Variants in NCAM2 observed in about 807,000 individuals in gnomAD.
The protein encoded by NCAM2 is neural cell adhesion molecule 2, also known as N-CAM-2.
Under a neutral mutation model 98.1 loss-of-function variants are expected in NCAM2, and 30 were observed. The observed-to-expected ratio is 0.31, with a 90% CI of 0.23 to 0.41. The LOEUF is 0.41. Among genes scored for constraint, NCAM2 ranks in the 10% least tolerant of loss-of-function variants. NCAM2 has a pLI of 1.00. For missense variants in NCAM2, 867 were observed against 1,005.8 expected, an observed-to-expected ratio of 0.86 and a Z score of 1.87; for synonymous variants, 368 against 342.4, an observed-to-expected ratio of 1.07 and a Z score of -0.83.
intron 16 of NCAM2, among the ~76,000 whole-genome samples, chr21:21,521,809 G>T (rs546492072): frequency 3.3e-5 from 5 of 151,762 alleles, no homozygotes; most frequent in Admixed American, 3.3e-4. Flanking sequence ...TGTGCATATT[G>T]GTCATATTAA....
chr21:21,496,595 A>G (rs531620150), intron 15 of NCAM2, among the ~76,000 whole-genome samples: 1 of 152,068 alleles, frequency 6.6e-6, no homozygotes, highest in South Asian at 2.1e-4. Context: ...TTATTTTGCT[A>G]TACAGAAGCT....
At chr21:21,357,819 G>T (rs191837193) in intron 8 of NCAM2, among the ~76,000 whole-genome samples, 1 of 151,904 alleles carries the variant, frequency 6.6e-6, no homozygotes, top group Non-Finnish European at 1.5e-5. Context: ...AACAAAAAGC[G>T]AAGAACAAAT....
intron 1 of NCAM2, among the ~76,000 whole-genome samples, chr21:21,174,147 T>C (rs2068209435): frequency 6.6e-6 from 1 of 152,126 alleles, no homozygotes; most frequent in South Asian, 2.1e-4. Context: ...CTCGAACTAC[T>C]AACCTCAGAT....
At position 21,486,189 on chromosome 21, in the gene NCAM2, A is replaced by G. The variant is rs941729942; in HGVS notation, c.2077+8718A>G. On this transcript the variant is annotated intron_variant, in intron 15 of 17. Transcript: ENST00000400546. ...CGTGGTGGCGGGCGCCTGTAGTCCC[A>G]GCTACTCGGGAGGCTGAGGCAGGAG... Among the ~76,000 whole-genome samples the G allele has an allele frequency of 4.0e-5, 6 of 151,352 alleles. No individual in the cohort carries two copies. In the South Asian group the frequency reaches 6.3e-4, roughly 16 times the overall value.
chr21:21,317,200 C>T (rs1288016483), intron 5 of NCAM2, among the ~76,000 whole-genome samples: 2 of 152,174 alleles, frequency 1.3e-5, no homozygotes, highest in Admixed American at 6.5e-5. Flanking sequence ...TTTCCTTCCC[C>T]TTCTCCCACT....
At chr21:21,188,300 C>T (rs578248523) in intron 1 of NCAM2, among the ~76,000 whole-genome samples, 1 of 152,028 alleles carries the variant, frequency 6.6e-6, no homozygotes, top group East Asian at 1.9e-4. Context: ...TAAATACTTA[C>T]AAATTTTTGC....
intron 6 of NCAM2, among the ~76,000 whole-genome samples, chr21:21,331,568 C>G (rs232372): frequency 0.017 from 2 of 118 alleles, no homozygotes; most frequent in Non-Finnish European, 0.026. Flanking sequence ...ACTCTATATA[C>G]ATATATATAT....
intron 16 of NCAM2, among the ~76,000 whole-genome samples, chr21:21,521,882 C>T (rs1265057769): frequency 6.6e-6 from 1 of 151,320 alleles, no homozygotes; most frequent in Non-Finnish European, 1.5e-5. Flanking sequence ...AGAATTTCAC[C>T]AAATTAATGT....
intron 15 of NCAM2, among the ~76,000 whole-genome samples, chr21:21,507,221 A>T (rs939405844): frequency 6.6e-6 from 1 of 152,164 alleles, no homozygotes; most frequent in Non-Finnish European, 1.5e-5. Context: ...TTTGTATGTT[A>T]GCAGTTGTTC....
chr21:21,477,638 C>T (rs1003519589), intron 15 of NCAM2, among the ~76,000 whole-genome samples, 167 bp downstream of exon 15: 2 of 152,114 alleles, frequency 1.3e-5, no homozygotes, highest in Admixed American at 6.5e-5. Flanking sequence ...TCGCTCTTGC[C>T]ATAGGGTATT....
intron 1 of NCAM2, among the ~76,000 whole-genome samples, chr21:21,081,332 T>C (rs1049770546): frequency 6.6e-6 from 1 of 151,838 alleles, no homozygotes; most frequent in African/African-American, 2.4e-5. Context: ...ATTGGGAGAG[T>C]GCCTTTCCCT....
chr21:21,337,503 A>G (rs997705474), intron 7 of NCAM2, among the ~76,000 whole-genome samples: 4 of 152,090 alleles, frequency 2.6e-5, no homozygotes, highest in African/African-American at 9.6e-5. Flanking sequence ...GCTTAAGAAC[A>G]ACTTATTTGT....
intron 1 of NCAM2, among the ~76,000 whole-genome samples, chr21:21,199,435 A>G (rs1468884430): frequency 6.6e-6 from 1 of 152,178 alleles, no homozygotes; most frequent in African/African-American, 2.4e-5. Context: ...GAAAAACCTC[A>G]TGACTGAGCT....
At chr21:21,340,136 A>G (rs2074984508) in intron 8 of NCAM2, among the ~76,000 whole-genome samples, 1 of 151,834 alleles carries the variant, frequency 6.6e-6, no homozygotes, top group Admixed American at 6.6e-5. Context: ...TTTTGTTTCA[A>G]TTTTGCATGT....
At chr21:21,483,728 CTGCAGCAGCATTTAG>C (rs1433058074) in intron 15 of NCAM2, among the ~76,000 whole-genome samples, 7 of 152,046 alleles carry the variant, frequency 4.6e-5, no homozygotes, top group Admixed American at 1.3e-4. Flanking sequence ...GATACTACAC[CTGCAGCAGCATTTAG>C]TTTAGCATGT....
At chr21:21,216,519 A>G (rs1005652785) in intron 1 of NCAM2, among the ~76,000 whole-genome samples, 1 of 152,192 alleles carries the variant, frequency 6.6e-6, no homozygotes, top group African/African-American at 2.4e-5. Context: ...CTGGTGTTCT[A>G]ATACTTGCTC....
chr21:21,332,821 G>A (rs1368005849), intron 6 of NCAM2, among the ~76,000 whole-genome samples: 1 of 152,174 alleles, frequency 6.6e-6, no homozygotes, highest in Non-Finnish European at 1.5e-5. Context: ...GTACTCATAT[G>A]CCACTGTCAT....
Position 21,228,224 on chromosome 21 carries a change from G to T in NCAM2, c.56-52354G>T, listed in dbSNP as rs935206778. Among the ~76,000 whole-genome samples, 5 of 151,552 alleles carry T rather than the reference G, an allele frequency of 3.3e-5. 1 individual carries two copies. Among genetic ancestry groups the T allele is most frequent in the African/African-American group, 9.7e-5 (4 of 41,386 alleles). ...ATTTTAACAAAGACATTGGTAAAAA[G>T]ATATAAGTCTAATAGCATCAAATGC... On this transcript the variant is annotated intron_variant, in intron 1 of 17. Coordinates refer to ENST00000400546, the MANE Select transcript of NCAM2 (RefSeq NM_004540.5).
chr21:21,418,978 CAT>C (rs957745801), intron 11 of NCAM2, among the ~76,000 whole-genome samples: 7 of 152,152 alleles, frequency 4.6e-5, no homozygotes, highest in Non-Finnish European at 8.8e-5. Context: ...TAAATAGTCA[CAT>C]GTTCCCTGTA....
Sources: gnomAD v4.1 joint callset for allele counts (sites outside exome capture counted in the v4.1 genomes callset) on GRCh38, gnomAD v4.1.1 for gene constraint, MANE v1.5 for transcripts, NCBI Gene and HGNC (gene_info 2026-07-23, HGNC 2026-07-21) for gene names.